The following OR13G1 variants were observed in gnomAD, a reference collection of about 807,000 sequenced individuals.
OR13G1 encodes olfactory receptor 13G1.
For synonymous variants in OR13G1, 128 were observed against 136.2 expected, an observed-to-expected ratio of 0.94 and a Z score of 0.42; for missense variants, 369 against 385.7, an observed-to-expected ratio of 0.96 and a Z score of 0.36.
At chr1:247,678,833 G>A (rs1392215534) in intron 1 of OR13G1, among the ~76,000 whole-genome samples, 1 of 152,134 alleles carries the variant, frequency 6.6e-6, no homozygotes, top group Non-Finnish European at 1.5e-5. Flanking sequence ...TGGTTAGCCA[G>A]GGATTGTCCA....
intron 1 of OR13G1, among the ~76,000 whole-genome samples, chr1:247,674,649 C>A (rs1463501980): frequency 6.6e-6 from 1 of 152,084 alleles, no homozygotes; most frequent in Non-Finnish European, 1.5e-5. Context: ...TATGTTAGGT[C>A]CTCTGCAGAG....
At chr1:247,676,551 G>A (rs1203388846) in intron 1 of OR13G1, among the ~76,000 whole-genome samples, 3 of 152,130 alleles carry the variant, frequency 2.0e-5, no homozygotes, top group East Asian at 1.9e-4. Flanking sequence ...AGATTATGAC[G>A]ATGTAGAAAA....
chr1:247,671,527 T>C lies in OR13G1; in HGVS notation c.*591A>G, dbSNP rs778016154. 6.5e-6 allele frequency: 1 copy of C among 154,962 alleles called. No homozygotes were observed. Among genetic ancestry groups the C allele is most frequent in the Admixed American group, 6.3e-5 (1 of 15,884 alleles). 9.6% of individuals were successfully genotyped at this position (154,962 alleles called of 1,614,324 possible). ...CACTGGTTTAAAAGGACTGGAGTAA[T>C]ATTCTGTCACTTTTTCCTGAACACA... is the stretch of plus-strand genomic sequence containing the variant. On this transcript the variant is annotated 3_prime_UTR_variant, in exon 2 of 2. Coordinates refer to ENST00000642119, the MANE Select transcript of OR13G1 (RefSeq NM_001005487.2).
chr1:247,673,595 T>C (rs1659253202), intron 1 of OR13G1, among the ~76,000 whole-genome samples: 1 of 152,098 alleles, frequency 6.6e-6, no homozygotes, highest in South Asian at 2.1e-4. Context: ...AACCTAGTAT[T>C]TTGAGGCTGT....
In OR13G1 at chr1:247,672,309, C is replaced by G. The variant is rs1218011154; in HGVS notation, c.733G>C (p.Val245Leu). Reference sequence around the variant, plus strand: ...ATTACAGGAGAATAGTAAAGGGTCACCACTGTGAGATGAGATGAGCATGTT... The same window carrying G: ...ATTACAGGAGAATAGTAAAGGGTCAGCACTGTGAGATGAGATGAGCATGTT... ...FSTCSSHLTV[V>L]TLYYSPVIYT... Residue 245 changes from valine (V) to leucine (L), a missense_variant, in exon 2 of 2, where the codon GTG becomes CTG. By Grantham distance (32) the Val-to-Leu change is conservative. Transcript: ENST00000642119. The G allele has an allele frequency of 6.2e-7, 1 of 1,613,408 alleles. No individual in the cohort carries two copies. Among genetic ancestry groups the G allele is most frequent in the South Asian group, 1.1e-5 (1 of 91,016 alleles).
In OR13G1 at chr1:247,672,480, G is replaced by C. The variant is rs188184155; in HGVS notation, c.562C>G (p.Pro188Ala). The change falls in exon 2 of 2, where the codon CCT becomes GCT. Residue 188 changes from proline to alanine, a missense_variant. By Grantham distance (27) the Pro-to-Ala change is conservative (BLOSUM62 -1). Coordinates refer to ENST00000642119, the MANE Select transcript of OR13G1 (RefSeq NM_001005487.2). ...ACCATCACCTCATTGATTCTTACAG[G>C]GCTACAGGACAAAGCCAGCAATGGG... ...IPPLLALSCS[P>A]VRINEVMVYV... is the part of the protein sequence containing the mutation. The C allele has an allele frequency of 8.7e-5, 141 of 1,614,086 alleles. No homozygotes were observed. In the East Asian group the frequency reaches 2.9e-3, roughly 33 times the overall value.
chr1:247,675,747 A>G (rs1659333682), intron 1 of OR13G1, among the ~76,000 whole-genome samples: 1 of 152,150 alleles, frequency 6.6e-6, no homozygotes, highest in Non-Finnish European at 1.5e-5. Flanking sequence ...GTGTCCAAAC[A>G]GTGGTCAGTA....
chr1:247,677,672 C>G (rs1224587709), intron 1 of OR13G1, among the ~76,000 whole-genome samples: 3 of 152,176 alleles, frequency 2.0e-5, no homozygotes, highest in Non-Finnish European at 2.9e-5. Flanking sequence ...ACACTGGCAA[C>G]CTTTTCCTGG....
At chr1:247,676,141 C>G (rs1395210419) in intron 1 of OR13G1, among the ~76,000 whole-genome samples, 2 of 151,938 alleles carry the variant, frequency 1.3e-5, no homozygotes, top group Non-Finnish European at 2.9e-5. Flanking sequence ...CAGTCCATCC[C>G]CATTGGTTAA....
Position 247,671,865 on chromosome 1 carries a change from TG to T in OR13G1, c.*252del, listed in dbSNP as rs1558292429. 4.3e-6 allele frequency: 2 copies of T among 467,524 alleles called. No homozygotes were observed. Among genetic ancestry groups the T allele is most frequent in the Non-Finnish European group, 7.5e-6 (2 of 265,318 alleles). 29.0% of individuals were successfully genotyped at this position (467,524 alleles called of 1,614,324 possible). On this transcript the variant is annotated 3_prime_UTR_variant, in exon 2 of 2. Coordinates refer to ENST00000642119, the MANE Select transcript of OR13G1 (RefSeq NM_001005487.2). Reference sequence around the variant, plus strand: ...ATGCATATATAAGTATTCGAAGTTATGTACATATTTTTGGAAAATGTTGGAA... The same window carrying T: ...ATGCATATATAAGTATTCGAAGTTATTACATATTTTTGGAAAATGTTGGAA...
At chr1:247,675,545 T>G (rs917287216) in intron 1 of OR13G1, among the ~76,000 whole-genome samples, 4 of 152,140 alleles carry the variant, frequency 2.6e-5, no homozygotes, top group Non-Finnish European at 5.9e-5. Flanking sequence ...GTTATGACAT[T>G]GGTTTGCTTG....
rs1444891992 is a variant in OR13G1, at chr1:247,670,932, TTA to T, written c.*1184_*1185del. 6.6e-6 allele frequency: 1 copy of T among 152,100 alleles called. No individual in the cohort carries two copies. Among genetic ancestry groups the T allele is most frequent in the African/African-American group, 2.4e-5 (1 of 41,446 alleles). The allele number at this position is 152,100 out of a possible 1,614,324, so 9.4% of individuals were successfully genotyped here. A position where few individuals can be genotyped will look rare whatever the true frequency, so the allele number is the denominator to read the frequency against. Reference sequence around the variant, plus strand: ...CAAATGATATATTTCTTCCAACTTGTTATAAGATGTGTTGTATATTGTATATT... The same window carrying T: ...CAAATGATATATTTCTTCCAACTTGTTAAGATGTGTTGTATATTGTATATT... On this transcript the variant is annotated 3_prime_UTR_variant, in exon 2 of 2. Transcript: ENST00000642119.
intron 1 of OR13G1, among the ~76,000 whole-genome samples, chr1:247,675,445 C>G (rs1226537885): frequency 2.6e-5 from 4 of 152,120 alleles, no homozygotes; most frequent in African/African-American, 9.7e-5. Context: ...CACCCCTGTT[C>G]CACCATCTCT....
At position 247,678,318 on chromosome 1, in the gene OR13G1, C is replaced by T. The variant is rs149719925; in HGVS notation, c.-239+1322G>A. On this transcript the variant is annotated intron_variant, in intron 1 of 1. Coordinates refer to ENST00000642119, the MANE Select transcript of OR13G1 (RefSeq NM_001005487.2). ...AACAGCACAGTTTATTCTTATGTAT[C>T]CATTACATCATTATCATCATCTCCG... Among the ~76,000 whole-genome samples, 784 of 152,230 alleles carry T rather than the reference C, an allele frequency of 5.2e-3. 6 individuals are homozygous for T. Among genetic ancestry groups the T allele is most frequent in the Middle Eastern group, 0.024 (7 of 294 alleles).
intron 1 of OR13G1, among the ~76,000 whole-genome samples, chr1:247,674,111 A>G (rs921835019): frequency 1.3e-5 from 2 of 152,140 alleles, no homozygotes; most frequent in African/African-American, 4.8e-5. Context: ...TGACCTCAAG[A>G]GATCCTCCTG....
At chr1:247,673,953 G>C (rs1410111577) in intron 1 of OR13G1, among the ~76,000 whole-genome samples, 1 of 151,968 alleles carries the variant, frequency 6.6e-6, no homozygotes, top group Admixed American at 6.6e-5. Context: ...GGAGTTTTCT[G>C]GAAAATAATT....
chr1:247,672,763 G>C lies in OR13G1; in HGVS notation c.279C>G (p.Gly93=). 2 of 1,614,064 alleles carry C rather than the reference G, an allele frequency of 1.2e-6. No individual in the cohort carries two copies. The highest frequency in any genetic ancestry group is 1.7e-6 in the Non-Finnish European group (2 of 1,180,012). The change falls in exon 2 of 2, where the codon GGC becomes GGG. Residue 93 remains glycine (G), a synonymous_variant. Coordinates refer to ENST00000642119, the MANE Select transcript of OR13G1 (RefSeq NM_001005487.2). ...TGAACAAGAAGAGCTGGGACATGCAGCCTGCATATGAAATGGTATTTTCTG... is the reference window on the plus strand; with the variant it reads ...TGAACAAGAAGAGCTGGGACATGCACCCTGCATATGAAATGGTATTTTCTG... ...LTSENTISYA[G]CMSQLFLFTW... is the part of the protein sequence containing the mutation.
At chr1:247,677,273 A>G (rs1176014) in intron 1 of OR13G1, among the ~76,000 whole-genome samples, 77,106 of 151,878 alleles carry the variant, frequency 0.51, 19,671 homozygotes, top group Admixed American at 0.61. Context: ...AAGAAAAGAT[A>G]GGACTACTTG....
At chr1:247,675,944 C>G (rs1372244504) in intron 1 of OR13G1, among the ~76,000 whole-genome samples, 1 of 152,026 alleles carries the variant, frequency 6.6e-6, no homozygotes, top group East Asian at 1.9e-4. Flanking sequence ...CGTGTCCATC[C>G]CTGGTCATCT....
Sources: gnomAD v4.1 joint callset for allele counts (sites outside exome capture counted in the v4.1 genomes callset) on GRCh38, gnomAD v4.1.1 for gene constraint, MANE v1.5 for transcripts, NCBI Gene and HGNC (gene_info 2026-07-23, HGNC 2026-07-21) for gene names.